FRMD4B: variants seen among roughly 807,000 people sequenced by gnomAD.
The protein encoded by FRMD4B is FERM domain-containing protein 4B.
In FRMD4B, 74 loss-of-function variants were observed where a neutral mutation model predicts 141.5. The ratio of observed to expected loss-of-function variants is 0.52; its 90% CI spans 0.43 to 0.63. The LOEUF is 0.63. FRMD4B is among the 30% of genes least tolerant of loss of function. The probability of loss-of-function intolerance (pLI) is 0.00; values close to 1 mark genes in which losing one functional copy is unlikely to be tolerated. For synonymous variants in FRMD4B, 506 were observed against 467.9 expected, an observed-to-expected ratio of 1.08 and a Z score of -1.05; for missense variants, 1,366 against 1,253.4, an observed-to-expected ratio of 1.09 and a Z score of -1.36.
At chr3:69,464,439 A>T (rs995472406) in intron 1 of FRMD4B, among the ~76,000 whole-genome samples, 2 of 152,116 alleles carry the variant, frequency 1.3e-5, no homozygotes, top group East Asian at 3.8e-4. Context: ...CCTATATATG[A>T]TTTCTAAGGC....
At chr3:69,474,766 C>G (rs1328460641) in intron 1 of FRMD4B, among the ~76,000 whole-genome samples, 5 of 152,060 alleles carry the variant, frequency 3.3e-5, no homozygotes, top group African/African-American at 9.7e-5. Context: ...ACACAAGGGG[C>G]AAGAGTGAAC....
At chr3:69,353,512 A>C in intron 1 of FRMD4B, 1 of 913,576 alleles carries the variant, frequency 1.1e-6, no homozygotes, top group South Asian at 5.0e-5. Flanking sequence ...ACAGTCTGCA[A>C]CTGGAAGATC....
At chr3:69,502,554 T>G (rs1008452650) in intron 1 of FRMD4B, among the ~76,000 whole-genome samples, 33 of 152,178 alleles carry the variant, frequency 2.2e-4, no homozygotes, top group African/African-American at 7.7e-4. Flanking sequence ...AAGACTTAAA[T>G]GTTAGAACTA....
intron 1 of FRMD4B, among the ~76,000 whole-genome samples, chr3:69,460,269 G>T (rs1369296175): frequency 6.6e-6 from 1 of 152,206 alleles, no homozygotes; most frequent in East Asian, 1.9e-4. Flanking sequence ...ATCATCACAT[G>T]TTGTTGGCCA....
At chr3:69,238,880 G>A (rs576413382) in intron 7 of FRMD4B, among the ~76,000 whole-genome samples, 61 of 152,270 alleles carry the variant, frequency 4.0e-4, no homozygotes, top group South Asian at 3.7e-3. Context: ...TCTCTGCCCA[G>A]GCTGGTGGTC....
At chr3:69,260,583 C>T (rs968596631) in intron 5 of FRMD4B, among the ~76,000 whole-genome samples, 2 of 152,264 alleles carry the variant, frequency 1.3e-5, no homozygotes, top group Non-Finnish European at 2.9e-5. Context: ...TGGCCCGAAC[C>T]TCCCCAATGG....
chr3:69,416,297 G>A (rs559604273), intron 2 of FRMD4B, among the ~76,000 whole-genome samples: 3 of 152,192 alleles, frequency 2.0e-5, no homozygotes, highest in African/African-American at 7.2e-5. Context: ...GTAGAGACAG[G>A]GTCTCACTCT....
intron 5 of FRMD4B, among the ~76,000 whole-genome samples, chr3:69,275,287 G>T (rs1057268619): frequency 6.6e-6 from 1 of 151,980 alleles, no homozygotes; most frequent in South Asian, 2.1e-4. Context: ...GAAAAAAAAC[G>T]TCGTTGTCTT....
chr3:69,204,150 G>C (rs2092998614), intron 11 of FRMD4B, among the ~76,000 whole-genome samples: 1 of 152,104 alleles, frequency 6.6e-6, no homozygotes, highest in African/African-American at 2.4e-5. Context: ...TCCTGCCCCA[G>C]GTACCCAGGA....
At chr3:69,258,115 C>T (rs900736901) in intron 5 of FRMD4B, among the ~76,000 whole-genome samples, 11 of 152,086 alleles carry the variant, frequency 7.2e-5, no homozygotes, top group Non-Finnish European at 1.6e-4. Flanking sequence ...AGGTGTGAGC[C>T]ACCGTGCCTG....
At chr3:69,310,056 T>C (rs1423421892) in intron 3 of FRMD4B, among the ~76,000 whole-genome samples, 2 of 152,210 alleles carry the variant, frequency 1.3e-5, no homozygotes, top group African/African-American at 4.8e-5. Flanking sequence ...TGTTGAGTGA[T>C]TCAGAGTGAG....
At chr3:69,255,413 T>C (rs1461855426) in intron 5 of FRMD4B, among the ~76,000 whole-genome samples, 1 of 152,076 alleles carries the variant, frequency 6.6e-6, no homozygotes, top group Admixed American at 6.5e-5. Context: ...CAGTGAGTGG[T>C]ATATGCCTGT....
chr3:69,233,669 A>G (rs1404057306), intron 7 of FRMD4B, among the ~76,000 whole-genome samples: 1 of 152,180 alleles, frequency 6.6e-6, no homozygotes, highest in Non-Finnish European at 1.5e-5. Context: ...TACAGCTTAC[A>G]TAACATGAGA....
At chr3:69,216,429 CTT>C (rs397990009) in intron 10 of FRMD4B, 80 bp from the exon 11 acceptor site, 16,728 of 374,266 alleles carry the variant, frequency 0.045, no homozygotes, top group Middle Eastern at 0.06. Flanking sequence ...AATTTCACCT[CTT>C]TTTTTTTTTT....
rs535131783 is a variant in FRMD4B, at chr3:69,170,041, G to A, written c.*1820C>T. On this transcript the variant is annotated 3_prime_UTR_variant, in exon 23 of 23. Transcript: ENST00000398540. Reference sequence around the variant, plus strand: ...TGTAAGACACAGCATTATTTTTAATGTACTATTAAGAAAAAACTGCCAATT... The same window carrying A: ...TGTAAGACACAGCATTATTTTTAATATACTATTAAGAAAAAACTGCCAATT... 1 of 152,246 alleles carries A rather than the reference G, an allele frequency of 6.6e-6. No homozygotes were observed. Among genetic ancestry groups the A allele is most frequent in the East Asian group, 1.9e-4 (1 of 5,178 alleles). The allele number at this position is 152,246 out of a possible 1,614,324, so 9.4% of individuals were successfully genotyped here. A position where few individuals can be genotyped will look rare whatever the true frequency, so the allele number is the denominator to read the frequency against.
intron 2 of FRMD4B, chr3:69,432,526 C>A (rs1056400603): frequency 5.3e-5 from 8 of 152,124 alleles, no homozygotes; most frequent in Non-Finnish European, 8.8e-5. Flanking sequence ...CCTGTCCAAG[C>A]CCCGCTTGAC....
At chr3:69,219,286 G>A (rs914635550) in intron 9 of FRMD4B, among the ~76,000 whole-genome samples, 5 of 151,974 alleles carry the variant, frequency 3.3e-5, no homozygotes, top group Non-Finnish European at 5.9e-5. Flanking sequence ...ATTTTGTAAC[G>A]CTTCCTCTCT....
chr3:69,367,577 TC>T (rs1703704556), intron 1 of FRMD4B, among the ~76,000 whole-genome samples: 1 of 147,018 alleles, frequency 6.8e-6, no homozygotes, highest in Admixed American at 6.8e-5. Flanking sequence ...AAAAAATATA[TC>T]ATTGACAATT....
At chr3:69,538,349 C>G (rs1478497202) in intron 1 of FRMD4B, among the ~76,000 whole-genome samples, 2 of 152,060 alleles carry the variant, frequency 1.3e-5, no homozygotes, top group Non-Finnish European at 2.9e-5. Context: ...ACCCTAATTC[C>G]ACTTAAAATC....
Sources: gnomAD v4.1 joint callset for allele counts (sites outside exome capture counted in the v4.1 genomes callset) on GRCh38, gnomAD v4.1.1 for gene constraint, MANE v1.5 for transcripts, NCBI Gene and HGNC (gene_info 2026-07-23, HGNC 2026-07-21) for gene names.